Variants in RNF4 observed in about 807,000 individuals in gnomAD.
RNF4 encodes the protein E3 ubiquitin-protein ligase RNF4.
A neutral mutation model predicts 24.3 loss-of-function variants in RNF4; 7 were observed. That is an observed-to-expected ratio of 0.29 (90% CI 0.16 to 0.54). The LOEUF (loss-of-function observed/expected upper bound fraction) is 0.54, where lower values mean the gene tolerates loss of function less well. Among genes scored for constraint, RNF4 ranks in the 20% least tolerant of loss-of-function variants. The pLI is 0.95. For missense variants in RNF4, 209 were observed against 248.5 expected (o/e 0.84, Z 1.07); for synonymous variants, 83 against 84.3 (o/e 0.98, Z 0.09).
chr4:2,470,804 T>G (rs1734880616), intron 1 of RNF4, among the ~76,000 whole-genome samples: 2 of 144,792 alleles, frequency 1.4e-5, no homozygotes, highest in South Asian at 4.4e-4. Context: ...ATAACTCATT[T>G]TATTGTGTTT....
At chr4:2,504,374 C>G (rs1736003746) in intron 4 of RNF4, among the ~76,000 whole-genome samples, 1 of 152,132 alleles carries the variant, frequency 6.6e-6, no homozygotes, top group South Asian at 2.1e-4. Flanking sequence ...CTCATGGCCA[C>G]TTTTAATTTT....
chr4:2,491,625 A>G (rs1396258055), intron 2 of RNF4, among the ~76,000 whole-genome samples: 1 of 152,118 alleles, frequency 6.6e-6, no homozygotes, highest in Non-Finnish European at 1.5e-5. Context: ...TATTTTTAGT[A>G]GAGATGTGAT....
chr4:2,483,544 C>T (rs1476823988), intron 1 of RNF4, among the ~76,000 whole-genome samples: 1 of 152,152 alleles, frequency 6.6e-6, no homozygotes, highest in Admixed American at 6.5e-5. Flanking sequence ...TGGCTCACAC[C>T]TATAATCCCA....
chr4:2,504,426 T>G (rs1439307116), intron 4 of RNF4, among the ~76,000 whole-genome samples: 2 of 152,216 alleles, frequency 1.3e-5, no homozygotes, highest in Non-Finnish European at 2.9e-5. Flanking sequence ...ATTGTGGTTT[T>G]AATTTGTGCT....
At position 2,484,121 on chromosome 4, in the gene RNF4, G is replaced by A. The variant is rs553071141; in HGVS notation, c.-157-6216G>A. 2.8e-4 allele frequency among the ~76,000 whole-genome samples: 37 copies of A among 132,500 alleles called. No homozygotes were observed. The East Asian group carries it at 4.2e-3, about 15-fold the overall frequency. 86.9% of individuals were successfully genotyped at this position (132,500 alleles called of 152,430 possible). Reference sequence around the variant, plus strand: ...TGGGATTACAGGTGTGAGCCACCATGCCTGACCCAGGTCTCTTATTTTCAG... The same window carrying A: ...TGGGATTACAGGTGTGAGCCACCATACCTGACCCAGGTCTCTTATTTTCAG... On this transcript the variant is annotated intron_variant, in intron 1 of 7. Coordinates refer to ENST00000314289, the MANE Select transcript of RNF4 (RefSeq NM_002938.5).
chr4:2,474,590 G>C (rs1735010331), intron 1 of RNF4, among the ~76,000 whole-genome samples: 2 of 152,190 alleles, frequency 1.3e-5, no homozygotes, highest in Admixed American at 6.6e-5. Flanking sequence ...TAATAAAACA[G>C]TGGCAGGGTT....
rs1164972103 is a variant in RNF4 at position 2,515,854 on chromosome 4, C to T, written c.*2035C>T. 1.3e-5 allele frequency: 2 copies of T among 152,554 alleles called. No homozygotes were observed. Among genetic ancestry groups the T allele is most frequent in the African/African-American group, 4.8e-5 (2 of 41,434 alleles). 9.5% of individuals were successfully genotyped at this position (152,554 alleles called of 1,614,324 possible). On this transcript the variant is annotated 3_prime_UTR_variant, in exon 8 of 8. Coordinates refer to ENST00000314289, the MANE Select transcript of RNF4 (RefSeq NM_002938.5). ...TGGAAATAAAACCATTAATTTGAACCAAATATCTTTTACACATTCATTTGC... is the reference window on the plus strand; with the variant it reads ...TGGAAATAAAACCATTAATTTGAACTAAATATCTTTTACACATTCATTTGC...
chr4:2,507,084 C>G lies in RNF4; in HGVS notation c.205-4872C>G, dbSNP rs914614237. ...TCTGGAATCTTTTTTTGGTCTGTTT[C>G]TATAATGTATGAATAAGTCACACTA... On this transcript the variant is annotated intron_variant, in intron 4 of 7. Transcript: ENST00000314289. Among the ~76,000 whole-genome samples the G allele has an allele frequency of 3.9e-5, 6 of 152,018 alleles. 1 individual carries two copies. Among genetic ancestry groups the G allele is most frequent in the Admixed American group, 2.0e-4 (3 of 15,260 alleles).
intron 4 of RNF4, chr4:2,505,359 T>A (rs1311588645): frequency 6.7e-6 from 1 of 149,958 alleles, no homozygotes; most frequent in African/African-American, 2.5e-5. Context: ...GGAGTCTCGC[T>A]CTGTTGCCCA....
In RNF4 at chr4:2,512,735, G is replaced by C. The variant is rs903405885; in HGVS notation, c.374+138G>C. 11 of 1,004,004 alleles carry C rather than the reference G, an allele frequency of 1.1e-5. No individual in the cohort carries two copies. The highest frequency in any genetic ancestry group is 1.6e-5 in the African/African-American group (1 of 61,290). The allele number at this position is 1,004,004 out of a possible 1,614,324, so 62.2% of individuals were successfully genotyped here. A position where few individuals can be genotyped will look rare whatever the true frequency, so the allele number is the denominator to read the frequency against. ...CTCTACCCAGCATCTGGATACAGTT[G>C]GAACTGGGTCCAGAACTGAGTCCAG... On this transcript the variant is annotated intron_variant, in intron 6 of 7. Transcript: ENST00000314289. This position sits in a 1 kb window ranked among gnomAD's most constrained non-coding sequence, Gnocchi z 4.1.
chr4:2,478,529 G>A (rs1405636533), intron 1 of RNF4, among the ~76,000 whole-genome samples: 1 of 152,226 alleles, frequency 6.6e-6, no homozygotes, highest in African/African-American at 2.4e-5. Flanking sequence ...GGGGCCTGGT[G>A]CCCTGCGTTC....
intron 1 of RNF4, among the ~76,000 whole-genome samples, chr4:2,478,828 A>G (rs1735162034): frequency 6.6e-6 from 1 of 152,206 alleles, no homozygotes; most frequent in Non-Finnish European, 1.5e-5. Flanking sequence ...CAGAGTCCCT[A>G]CTGGAGCACC....
At chr4:2,475,827 G>A (rs1218421664) in intron 1 of RNF4, among the ~76,000 whole-genome samples, 1 of 152,148 alleles carries the variant, frequency 6.6e-6, no homozygotes, top group African/African-American at 2.4e-5. Flanking sequence ...GAGGCACTGG[G>A]AGATCAGGGT....
intron 1 of RNF4, among the ~76,000 whole-genome samples, chr4:2,482,923 G>A (rs1349003960): frequency 6.6e-6 from 1 of 152,164 alleles, no homozygotes; most frequent in Non-Finnish European, 1.5e-5. Flanking sequence ...GTTGTGATTA[G>A]CTACATCCTG....
chr4:2,485,041 C>T (rs1252320294), intron 1 of RNF4, among the ~76,000 whole-genome samples: 4 of 152,166 alleles, frequency 2.6e-5, no homozygotes, highest in Admixed American at 2.6e-4. Context: ...TGTGGGACAT[C>T]CCTGCTCCCT....
At position 2,482,480 on chromosome 4, in the gene RNF4, G is replaced by A. The variant is rs187498447; in HGVS notation, c.-157-7857G>A. ...GTACATCTGCCCCTCGGCCTCCGGAGGAGTGGATCCTTAGGTTTCCTTCAT... is the reference window on the plus strand; with the variant it reads ...GTACATCTGCCCCTCGGCCTCCGGAAGAGTGGATCCTTAGGTTTCCTTCAT... On this transcript the variant is annotated intron_variant, in intron 1 of 7. Coordinates refer to ENST00000314289, the MANE Select transcript of RNF4 (RefSeq NM_002938.5). 2.4e-3 allele frequency among the ~76,000 whole-genome samples: 371 copies of A among 152,322 alleles called. 3 individuals are homozygous for A. Among genetic ancestry groups the A allele is most frequent in the African/African-American group, 8.5e-3 (354 of 41,554 alleles).
At position 2,497,111 on chromosome 4, in the gene RNF4, C is replaced by G. The variant is rs745756669; in HGVS notation, c.114C>G (p.Leu38=). 6.2e-7 allele frequency: 1 copy of G among 1,605,746 alleles called. No individual in the cohort carries two copies. The highest frequency in any genetic ancestry group is 8.5e-7 in the Non-Finnish European group (1 of 1,176,150). The change falls in exon 3 of 8, where the codon CTC becomes CTG. Residue 38 remains leucine, a synonymous_variant. Coordinates refer to ENST00000314289, the MANE Select transcript of RNF4 (RefSeq NM_002938.5). ...CCTTGGAAGCAGAACCCATAGAACT[C>G]GTGGAAACTGGTAAGATTGCCAGGG... is the stretch of plus-strand genomic sequence containing the variant. The part of the protein sequence containing the change: ...EISLEAEPIE[L]VETAGDEIVD...
intron 3 of RNF4, among the ~76,000 whole-genome samples, chr4:2,498,849 C>T (rs184141948): frequency 1.3e-3 from 193 of 152,262 alleles, no homozygotes; most frequent in African/African-American, 4.6e-3. Flanking sequence ...CGTGATCGTG[C>T]CACTGCACTC....
chr4:2,508,826 G>A (rs1167132678), intron 4 of RNF4, among the ~76,000 whole-genome samples: 1 of 150,246 alleles, frequency 6.7e-6, no homozygotes, highest in African/African-American at 2.4e-5. Flanking sequence ...TGGTCAGGCT[G>A]GTCTCAAACT....
Sources: gnomAD v4.1 joint callset for allele counts (sites outside exome capture counted in the v4.1 genomes callset) on GRCh38, gnomAD v4.1.1 for gene constraint, Gnocchi (gnomAD v3.1) non-coding constraint, MANE v1.5 for transcripts, NCBI Gene and HGNC (gene_info 2026-07-23, HGNC 2026-07-21) for gene names.